Variants in FDFT1 observed in about 807,000 individuals in gnomAD.
FDFT1 encodes the protein farnesyl-diphosphate farnesyltransferase 1.
In FDFT1, 68 loss-of-function variants were observed where a neutral mutation model predicts 46.8. The ratio of observed to expected loss-of-function variants is 1.45; its 90% CI spans 1.19 to 1.78. The LOEUF (loss-of-function observed/expected upper bound fraction) is 1.78. Among genes scored for constraint, FDFT1 ranks in the 40% most tolerant of loss-of-function variants. FDFT1 has a pLI of 0.00. For missense variants in FDFT1, 928 were observed against 524.4 expected (o/e 1.77, Z -7.52); for synonymous variants, 351 against 185.1 (o/e 1.90, Z -7.28).
At chr8:11,819,113 A>T (rs1808865700) in intron 3 of FDFT1, among the ~76,000 whole-genome samples, 1 of 152,136 alleles carries the variant, frequency 6.6e-6, no homozygotes, top group African/African-American at 2.4e-5. Context: ...CACTTGTGAA[A>T]CTTAGTTTGG....
rs554233310 is a variant in FDFT1 at position 11,816,563 on chromosome 8, C to G, written c.382-5187C>G. Reference sequence around the variant, plus strand: ...TTTCATTGAGCAGTGGTTTGTAGTTCTCTTTGAAGAGGTCCTTCATATCCC... The same window carrying G: ...TTTCATTGAGCAGTGGTTTGTAGTTGTCTTTGAAGAGGTCCTTCATATCCC... On this transcript the variant is annotated intron_variant, in intron 3 of 7. Transcript: ENST00000220584. Among the ~76,000 whole-genome samples, 171 of 152,184 alleles carry G rather than the reference C, an allele frequency of 1.1e-3. 1 individual carries two copies. Among genetic ancestry groups the G allele is most frequent in the Middle Eastern group, 0.01 (3 of 294 alleles).
At chr8:11,810,541 G>C (rs1367673384) in intron 3 of FDFT1, among the ~76,000 whole-genome samples, 4 of 152,158 alleles carry the variant, frequency 2.6e-5, no homozygotes, top group African/African-American at 7.2e-5. Context: ...TTAGTGCCTG[G>C]TACAGGGTAA....
At chr8:11,823,581 C>CT (rs954964448) in intron 4 of FDFT1, among the ~76,000 whole-genome samples, 391 of 146,432 alleles carry the variant, frequency 2.7e-3, no homozygotes, top group African/African-American at 6.3e-3. Context: ...TCAGAGACGA[C>CT]TTTTTTTTTT....
chr8:11,832,059 C>G (rs1319248961), intron 7 of FDFT1, among the ~76,000 whole-genome samples: 2 of 152,130 alleles, frequency 1.3e-5, no homozygotes, highest in African/African-American at 4.8e-5. Context: ...TCCATGTGTC[C>G]TGACACCCAG....
upstream of FDFT1, among the ~76,000 whole-genome samples, chr8:11,801,465 G>A (rs1313239500): frequency 3.3e-5 from 5 of 152,236 alleles, no homozygotes; most frequent in Admixed American, 1.3e-4. Flanking sequence ...GATTATAGGC[G>A]CCTGCCACCA....
At chr8:11,798,864 A>C (rs1180629426), upstream of FDFT1, among the ~76,000 whole-genome samples, 1 of 152,220 alleles carries the variant, frequency 6.6e-6, no homozygotes, top group Non-Finnish European at 1.5e-5. Flanking sequence ...GACTTAAAAA[A>C]TATGATTTAT....
At chr8:11,836,633 C>CTT (rs768442155) in intron 7 of FDFT1, among the ~76,000 whole-genome samples, 2 of 152,246 alleles carry the variant, frequency 1.3e-5, no homozygotes, top group Non-Finnish European at 2.9e-5. Flanking sequence ...TCAGGTTCTG[C>CTT]TTTTAGGAGG....
At chr8:11,824,670 A>G (rs1439429820) in intron 4 of FDFT1, among the ~76,000 whole-genome samples, 2 of 152,164 alleles carry the variant, frequency 1.3e-5, no homozygotes, top group Non-Finnish European at 2.9e-5. Flanking sequence ...CTCATCTGAA[A>G]TGGAGATCAT....
At chr8:11,810,586 G>A (rs189618704) in intron 3 of FDFT1, among the ~76,000 whole-genome samples, 1 of 152,292 alleles carries the variant, frequency 6.6e-6, no homozygotes, top group East Asian at 1.9e-4. Flanking sequence ...GGTCTATTTT[G>A]TTGGAGTAAA....
chr8:11,801,695 G>GTTTT, upstream of FDFT1: 4 of 241,608 alleles, frequency 1.7e-5, no homozygotes, highest in South Asian at 3.8e-5. Context: ...TAGCCAGTAG[G>GTTTT]TTTTTTTTTT....
At chr8:11,802,378 A>G (rs1037511910), upstream of FDFT1, 1 of 453,316 alleles carries the variant, frequency 2.2e-6, no homozygotes, top group Non-Finnish European at 4.4e-6. Flanking sequence ...CCGACTGCGG[A>G]CCACCGTTGG....
intron 2 of FDFT1, 195 bp from the exon 3 acceptor site, chr8:11,809,472 A>C (rs1807396241): frequency 1.5e-6 from 2 of 1,315,920 alleles, no homozygotes; most frequent in Admixed American, 3.6e-5. Context: ...AATAAACTAC[A>C]GAAGTTCATT....
At chr8:11,796,360 C>T (rs1247988809) in intron 1 of FDFT1, among the ~76,000 whole-genome samples, 2 of 152,110 alleles carry the variant, frequency 1.3e-5, no homozygotes, top group East Asian at 1.9e-4. Context: ...GAGGGGGCCA[C>T]TGTGAGGTGG....
At chr8:11,796,576 G>A (rs11780364) in intron 1 of FDFT1, among the ~76,000 whole-genome samples, 26,592 of 152,166 alleles carry the variant, frequency 0.17, 2,729 homozygotes, top group East Asian at 0.38. Flanking sequence ...AAGCTTTACG[G>A]TGGAAAAGGG....
rs763412017 is a variant in FDFT1 at position 11,830,244 on chromosome 8, G to C, written c.703G>C (p.Val235Leu). The C allele has an allele frequency of 3.1e-6, 5 of 1,612,628 alleles. No individual in the cohort carries two copies. Among genetic ancestry groups the C allele is most frequent in the Non-Finnish European group, 3.4e-6 (4 of 1,178,732 alleles). The change falls in exon 6 of 8, where the codon GTT (valine) becomes CTT (leucine). Residue 235 changes from valine to leucine, a missense_variant and splice_region_variant. Transcript: ENST00000220584. Reference sequence around the variant, plus strand: ...TTCCTTAATCTTCTTATCTGTCTAGGTTTGGAGCAGGTATGTTAAGAAGTT... The same window carrying C: ...TTCCTTAATCTTCTTATCTGTCTAGCTTTGGAGCAGGTATGTTAAGAAGTT... ...QGGREFWPQE[V>L]WSRYVKKLGD...
intron 1 of FDFT1, chr8:11,808,521 G>T: frequency 3.8e-6 from 5 of 1,332,270 alleles, no homozygotes; most frequent in Non-Finnish European, 4.8e-6. Context: ...GATTCCCATG[G>T]CCGCAGCCGC....
upstream of FDFT1, chr8:11,801,663 A>G (rs1488681990): frequency 6.9e-6 from 2 of 288,558 alleles, no homozygotes; most frequent in African/African-American, 2.3e-5. Flanking sequence ...CTGTGTTAAA[A>G]CAGACTGCAG....
At chr8:11,821,578 G>A (rs961745099) in intron 3 of FDFT1, among the ~76,000 whole-genome samples, 172 bp from the exon 4 acceptor site, 18 of 152,158 alleles carry the variant, frequency 1.2e-4, no homozygotes, top group Admixed American at 1.2e-3. Context: ...GCAACATTGC[G>A]AGACTCCATC....
intron 5 of FDFT1, among the ~76,000 whole-genome samples, chr8:11,827,324 ATAAAAAT>A (rs1054078095): frequency 3.3e-5 from 5 of 152,316 alleles, no homozygotes; most frequent in Admixed American, 1.3e-4. Flanking sequence ...AAGAGCAAAA[ATAAAAAT>A]TAAAGAAAGT....
Sources: gnomAD v4.1 joint callset for allele counts (sites outside exome capture counted in the v4.1 genomes callset) on GRCh38, gnomAD v4.1.1 for gene constraint, MANE v1.5 for transcripts, NCBI Gene and HGNC (gene_info 2026-07-23, HGNC 2026-07-21) for gene names.